WWOX: variants seen among roughly 807,000 people sequenced by gnomAD.
WWOX encodes the protein WW domain-containing oxidoreductase.
Under a neutral mutation model 46.2 loss-of-function variants are expected in WWOX, and 69 were observed. The ratio of observed to expected loss-of-function variants is 1.49; its 90% CI spans 1.23 to 1.82. The LOEUF (loss-of-function observed/expected upper bound fraction) is 1.82. Among genes scored for constraint, WWOX ranks in the 40% most tolerant of loss-of-function variants. The pLI is 0.00. For synonymous variants in WWOX, 359 were observed against 202.6 expected, an observed-to-expected ratio of 1.77 and a Z score of -6.56; for missense variants, 919 against 542.6, an observed-to-expected ratio of 1.69 and a Z score of -6.89.
chr16:78,396,285 C>T (rs1467439700), intron 6 of WWOX, among the ~76,000 whole-genome samples: 1 of 151,992 alleles, frequency 6.6e-6, no homozygotes, highest in East Asian at 1.9e-4. Flanking sequence ...TTAGGGGTCA[C>T]TTAGCATGAC....
intron 8 of WWOX, among the ~76,000 whole-genome samples, chr16:79,054,414 G>A (rs1173949051): frequency 3.3e-5 from 5 of 152,108 alleles, no homozygotes; most frequent in Admixed American, 2.6e-4. Flanking sequence ...AATGCTTTTG[G>A]CGTGATTTCC....
rs190190760 is a variant in WWOX at position 78,748,991 on chromosome 16, G to A, written c.1056+316239G>A. ...GAAATTTGAACCTGACCAAATCAAC[G>A]ACTGCAAGGTTTATTTGTAGCAGTG... is the stretch of plus-strand genomic sequence containing the variant. On this transcript the variant is annotated intron_variant, in intron 8 of 8. Transcript: ENST00000566780. Among the ~76,000 whole-genome samples, 211 of 152,328 alleles carry A rather than the reference G, an allele frequency of 1.4e-3. 1 individual carries two copies. The highest frequency in any genetic ancestry group is 0.01 in the Middle Eastern group (3 of 294).
intron 8 of WWOX, among the ~76,000 whole-genome samples, chr16:78,473,898 GTA>G (rs1191279212): frequency 6.6e-6 from 1 of 152,142 alleles, no homozygotes. Flanking sequence ...CGTTGTTACC[GTA>G]TTAATTTAGG....
chr16:78,617,866 C>G (rs996988290), intron 8 of WWOX, among the ~76,000 whole-genome samples: 8 of 152,190 alleles, frequency 5.3e-5, no homozygotes, highest in Non-Finnish European at 1.0e-4. Context: ...ACATTTCTGT[C>G]AAAATATGAA....
At chr16:78,917,399 G>A (rs1006671870) in intron 8 of WWOX, among the ~76,000 whole-genome samples, 1 of 152,080 alleles carries the variant, frequency 6.6e-6, no homozygotes, top group Non-Finnish European at 1.5e-5. Context: ...GCCTTAGTCA[G>A]TGGGAGCCAC....
At chr16:78,381,099 G>C (rs2081946547) in intron 5 of WWOX, among the ~76,000 whole-genome samples, 1 of 152,320 alleles carries the variant, frequency 6.6e-6, no homozygotes, top group Non-Finnish European at 1.5e-5. Flanking sequence ...TTCCAGGGCA[G>C]CCTGGCTCTG....
At chr16:78,769,084 A>G (rs1160429690) in intron 8 of WWOX, among the ~76,000 whole-genome samples, 1 of 152,266 alleles carries the variant, frequency 6.6e-6, no homozygotes, top group Non-Finnish European at 1.5e-5. Flanking sequence ...CCACAAGGCC[A>G]TCTTTATAAG....
At chr16:78,759,625 T>C (rs2049741635) in intron 8 of WWOX, among the ~76,000 whole-genome samples, 1 of 152,146 alleles carries the variant, frequency 6.6e-6, no homozygotes, top group Non-Finnish European at 1.5e-5. Flanking sequence ...AACACAGGGA[T>C]GTTAAACTGC....
intron 8 of WWOX, among the ~76,000 whole-genome samples, chr16:78,993,136 A>G (rs1186253326): frequency 2.6e-5 from 4 of 152,106 alleles, no homozygotes; most frequent in Admixed American, 1.3e-4. Flanking sequence ...TACCAATTTC[A>G]TAGGCAATAT....
At chr16:78,732,517 G>T (rs563413195) in intron 8 of WWOX, among the ~76,000 whole-genome samples, 1 of 152,224 alleles carries the variant, frequency 6.6e-6, no homozygotes, top group South Asian at 2.1e-4. Flanking sequence ...TCAAATTGCT[G>T]ACCCACAGAA....
intron 6 of WWOX, among the ~76,000 whole-genome samples, chr16:78,406,238 A>C (rs914127498): frequency 2.1e-5 from 3 of 144,196 alleles, no homozygotes; most frequent in African/African-American, 7.5e-5. Flanking sequence ...TTATAGGACT[A>C]TTTGTGAAAT....
At chr16:79,056,624 C>T (rs1425607647) in intron 8 of WWOX, among the ~76,000 whole-genome samples, 1 of 152,184 alleles carries the variant, frequency 6.6e-6, no homozygotes. Flanking sequence ...CCACTAGATG[C>T]CAGTAGCATC....
chr16:78,549,798 T>A (rs1597250846), intron 8 of WWOX, among the ~76,000 whole-genome samples: 1 of 152,292 alleles, frequency 6.6e-6, no homozygotes, highest in Non-Finnish European at 1.5e-5. Context: ...TGATCTGAGA[T>A]ATCCAAATAC....
intron 8 of WWOX, among the ~76,000 whole-genome samples, chr16:78,448,714 TG>T (rs1163329805): frequency 6.6e-6 from 1 of 152,206 alleles, no homozygotes; most frequent in Non-Finnish European, 1.5e-5. Context: ...ATGAAGAGGC[TG>T]GACATTAAAA....
chr16:79,058,365 A>T (rs1363295062), intron 8 of WWOX, among the ~76,000 whole-genome samples: 1 of 131,626 alleles, frequency 7.6e-6, no homozygotes, highest in South Asian at 2.3e-4. Context: ...CACATTTGGC[A>T]AGTAGTAAAC....
chr16:78,349,531 C>T (rs1567516293), intron 5 of WWOX, among the ~76,000 whole-genome samples: 1 of 120,768 alleles, frequency 8.3e-6, no homozygotes, highest in East Asian at 1.9e-4. Context: ...AGGTCCTAGT[C>T]AGCTGATGTG....
At chr16:78,734,074 C>A (rs1379694561) in intron 8 of WWOX, among the ~76,000 whole-genome samples, 1 of 151,144 alleles carries the variant, frequency 6.6e-6, no homozygotes, top group Non-Finnish European at 1.5e-5. Context: ...AAAAAAAACA[C>A]AAAAAACTAA....
At chr16:78,924,742 G>A (rs997708910) in intron 8 of WWOX, among the ~76,000 whole-genome samples, 2 of 152,180 alleles carry the variant, frequency 1.3e-5, no homozygotes, top group African/African-American at 2.4e-5. Flanking sequence ...ATTCTGTAGA[G>A]CTTCCTATAT....
chr16:78,997,104 C>G (rs879646829), intron 8 of WWOX, among the ~76,000 whole-genome samples: 2 of 151,898 alleles, frequency 1.3e-5, no homozygotes, highest in Non-Finnish European at 2.9e-5. Flanking sequence ...CAATCTTCTG[C>G]TCTTCAATGT....
Sources: allele counts gnomAD v4.1 joint callset (sites outside exome capture counted in the v4.1 genomes callset), GRCh38; gene constraint gnomAD v4.1.1; transcripts MANE v1.5; gene names NCBI Gene and HGNC (gene_info 2026-07-23, HGNC 2026-07-21).